LRRFIP2: variants seen among roughly 807,000 people sequenced by gnomAD.
The protein encoded by LRRFIP2 is LRR binding FLII interacting protein 2, also known as leucine-rich repeat flightless-interacting protein 2.
LRRFIP2 carries 109 observed loss-of-function variants against 125.9 expected under a neutral mutation model. The observed-to-expected ratio is 0.87, with a 90% confidence interval of 0.74 to 1.01. LRRFIP2 has a LOEUF of 1.01. LRRFIP2 is among the 50% of genes least tolerant of loss of function. The pLI, the probability that LRRFIP2 is intolerant of heterozygous loss-of-function variation, is 0.00. For missense variants in LRRFIP2, 850 were observed against 862.3 expected (o/e 0.99, Z 0.18); for synonymous variants, 291 against 293.1 (o/e 0.99, Z 0.07).
chr3:37,099,005 C>T (rs2093879951), intron 15 of LRRFIP2, among the ~76,000 whole-genome samples: 1 of 152,198 alleles, frequency 6.6e-6, no homozygotes, highest in Non-Finnish European at 1.5e-5. Flanking sequence ...ATGGAATAAT[C>T]TTATATTTCA....
At chr3:37,151,399 G>A (rs2096020132) in intron 1 of LRRFIP2, among the ~76,000 whole-genome samples, 1 of 151,166 alleles carries the variant, frequency 6.6e-6, no homozygotes, top group African/African-American at 2.4e-5. Flanking sequence ...ACTTCTTAAT[G>A]TAGCAGCTGA....
chr3:37,072,934 G>T, intron 20 of LRRFIP2, 52 bp from the exon 21 acceptor site: 1 of 1,132,064 alleles, frequency 8.8e-7, no homozygotes. Flanking sequence ...AGAAAAGGGA[G>T]AGGAGGTTTG....
At chr3:37,161,319 C>A (rs2096337926) in intron 1 of LRRFIP2, among the ~76,000 whole-genome samples, 1 of 151,868 alleles carries the variant, frequency 6.6e-6, no homozygotes, top group Admixed American at 6.6e-5. Context: ...CGCATCACTG[C>A]ACTCCGTCCA....
chr3:37,141,632 C>T (rs2095703725), intron 2 of LRRFIP2, among the ~76,000 whole-genome samples: 1 of 152,146 alleles, frequency 6.6e-6, no homozygotes, highest in Non-Finnish European at 1.5e-5. Context: ...GCTCTTCCTC[C>T]AATGTGTGTT....
intron 2 of LRRFIP2, among the ~76,000 whole-genome samples, chr3:37,146,703 T>G (rs1374098456): frequency 3.9e-5 from 6 of 152,200 alleles, no homozygotes; most frequent in Non-Finnish European, 7.3e-5. Context: ...ATTTTCTTTA[T>G]CCAGTCTATC....
chr3:37,053,740 T>C lies in LRRFIP2; in HGVS notation c.*111A>G. On this transcript the variant is annotated 3_prime_UTR_variant, in exon 28 of 28. Transcript: ENST00000336686. ...AATTATAAAATACAAAGGTGGCTGT[T>C]TTAATGACAAAACTCAAAACAGTAC... 2 of 680,470 alleles carry C rather than the reference T, an allele frequency of 2.9e-6. No individual in the cohort carries two copies. Among genetic ancestry groups the C allele is most frequent in the East Asian group, 2.6e-5 (1 of 38,948 alleles). 42.2% of individuals were successfully genotyped at this position (680,470 alleles called of 1,614,324 possible).
chr3:37,112,208 T>C, intron 8 of LRRFIP2, among the ~76,000 whole-genome samples: 1 of 151,872 alleles, frequency 6.6e-6, no homozygotes, highest in Middle Eastern at 3.2e-3. Context: ...GAGTGGCACA[T>C]GCCTGTAATC....
chr3:37,169,391 G>A (rs954952417), intron 1 of LRRFIP2, among the ~76,000 whole-genome samples: 1 of 152,084 alleles, frequency 6.6e-6, no homozygotes, highest in Admixed American at 6.6e-5. Flanking sequence ...TGTTCACCTA[G>A]ATACAGCATT....
intron 16 of LRRFIP2, among the ~76,000 whole-genome samples, chr3:37,096,008 T>C (rs960319557): frequency 6.6e-6 from 1 of 152,204 alleles, no homozygotes; most frequent in African/African-American, 2.4e-5. Context: ...ATAAAATATA[T>C]CACCTAAATT....
intron 23 of LRRFIP2, chr3:37,064,131 T>C (rs1357752182): frequency 4.0e-6 from 1 of 250,424 alleles, no homozygotes; most frequent in African/African-American, 2.3e-5. Flanking sequence ...TCAAGTGTGT[T>C]CCTAAAGGCT....
chr3:37,087,785 C>T (rs1248419274), intron 18 of LRRFIP2, among the ~76,000 whole-genome samples: 2 of 152,104 alleles, frequency 1.3e-5, no homozygotes, highest in Non-Finnish European at 2.9e-5. Context: ...AACAGGGTTT[C>T]ACCATGTTGG....
At chr3:37,109,185 G>T (rs1043593112) in intron 11 of LRRFIP2, among the ~76,000 whole-genome samples, 1 of 152,054 alleles carries the variant, frequency 6.6e-6, no homozygotes, top group Non-Finnish European at 1.5e-5. Flanking sequence ...AGTATCAGAG[G>T]CCAAGATCAT....
At chr3:37,163,793 A>G (rs1366799424) in intron 1 of LRRFIP2, among the ~76,000 whole-genome samples, 3 of 152,224 alleles carry the variant, frequency 2.0e-5, no homozygotes, top group African/African-American at 4.8e-5. Flanking sequence ...AGGCTTGAGC[A>G]GAGAATGGTC....
At chr3:37,129,033 T>C (rs372531284) in intron 3 of LRRFIP2, 30 bp downstream of exon 3, 68 of 1,591,852 alleles carry the variant, frequency 4.3e-5, no homozygotes, top group Non-Finnish European at 5.9e-5. Context: ...GGGAGACAAA[T>C]ATGAAATTAG....
At chr3:37,061,116 C>A (rs2088536695) in intron 24 of LRRFIP2, among the ~76,000 whole-genome samples, 1 of 152,160 alleles carries the variant, frequency 6.6e-6, no homozygotes, top group African/African-American at 2.4e-5. Context: ...GTTACCTCCC[C>A]ACTCTCTCTG....
chr3:37,060,226 C>T lies in LRRFIP2; in HGVS notation c.1750-1316G>A, dbSNP rs2088171751. On this transcript the variant is annotated intron_variant, in intron 24 of 27. Transcript: ENST00000336686. The surrounding 1 kb of genome is among the most constrained non-coding windows in gnomAD (Gnocchi z 4.1). ...TCTGTCCTCAGTCTTTTCTGAGCAT[C>T]CCCCCTTTACCCTCGTGCTCTGATA... Among the ~76,000 whole-genome samples the T allele has an allele frequency of 6.6e-6, 1 of 152,162 alleles. No individual in the cohort carries two copies. The highest frequency in any genetic ancestry group is 1.5e-5 in the Non-Finnish European group (1 of 68,026).
intron 2 of LRRFIP2, chr3:37,134,705 C>A (rs960089893): frequency 1.3e-6 from 1 of 757,590 alleles, no homozygotes; most frequent in Admixed American, 1.8e-5. Context: ...TGGCCCATGA[C>A]CCTCCAGCAC....
chr3:37,082,944 T>G (rs1576287478), intron 19 of LRRFIP2, among the ~76,000 whole-genome samples: 1 of 152,184 alleles, frequency 6.6e-6, no homozygotes, highest in Non-Finnish European at 1.5e-5. Context: ...ATATTGGCAA[T>G]GTAGTAGCAA....
At chr3:37,153,442 A>C (rs530357189) in intron 1 of LRRFIP2, among the ~76,000 whole-genome samples, 3 of 152,152 alleles carry the variant, frequency 2.0e-5, no homozygotes, top group Non-Finnish European at 4.4e-5. Flanking sequence ...AAAATAAACT[A>C]GTCCCCAACT....
Sources: allele counts gnomAD v4.1 joint callset (sites outside exome capture counted in the v4.1 genomes callset), GRCh38; gene constraint gnomAD v4.1.1; non-coding constraint Gnocchi (gnomAD v3.1); transcripts MANE v1.5; gene names NCBI Gene and HGNC (gene_info 2026-07-23, HGNC 2026-07-21).